The following ZNF880 variants were observed in gnomAD, a reference collection of about 807,000 sequenced individuals.
ZNF880 encodes the protein zinc finger protein LOC400713.
In ZNF880, 12 loss-of-function variants were observed where a neutral mutation model predicts 11.8. That is an observed-to-expected ratio of 1.02 (90% CI 0.65 to 1.65). ZNF880 has a LOEUF of 1.65. ZNF880 is among the 40% of genes most tolerant of loss of function. The pLI is 0.00. For missense variants in ZNF880, 601 were observed against 673.9 expected (o/e 0.89, Z 1.20); for synonymous variants, 210 against 232.4 (o/e 0.90, Z 0.88).
intron 3 of ZNF880, among the ~76,000 whole-genome samples, chr19:52,376,499 C>A (rs1429519107): frequency 1.0e-4 from 1 of 10,042 alleles, no homozygotes; most frequent in African/African-American, 4.4e-4. Flanking sequence ...TAGCACCGCC[C>A]CCCCCCCCCC....
At chr19:52,368,973 CAAAAAAAAAAAAAAAA>C (rs3029482), upstream of ZNF880, among the ~76,000 whole-genome samples, 4 of 71,854 alleles carry the variant, frequency 5.6e-5, no homozygotes, top group Non-Finnish European at 9.9e-5. Flanking sequence ...GAGACCATCT[CAAAAAAAAAAAAAAAA>C]AAAAAAAAAA....
chr19:52,368,295 C>G (rs1482530957), upstream of ZNF880, among the ~76,000 whole-genome samples: 2 of 148,662 alleles, frequency 1.3e-5, no homozygotes, highest in Non-Finnish European at 2.9e-5. Context: ...TAATGTTCAC[C>G]CATCTTCTTT....
chr19:52,380,432 C>T (rs936120030), intron 3 of ZNF880, among the ~76,000 whole-genome samples: 1 of 151,824 alleles, frequency 6.6e-6, no homozygotes, highest in Non-Finnish European at 1.5e-5. Flanking sequence ...TTGTATATCA[C>T]CTCTGGAAAA....
intron 1 of ZNF880, 54 bp from the exon 2 acceptor site, chr19:52,373,057 C>T (rs1293081313): frequency 1.9e-6 from 3 of 1,587,718 alleles, no homozygotes; most frequent in Admixed American, 1.7e-5. Context: ...GTCCTTACAA[C>T]TGTCTCCTCA....
At position 52,384,041 on chromosome 19, in the gene ZNF880, A is replaced by C. The variant is rs56370398; in HGVS notation, c.461A>C (p.Lys154Thr). The change falls in exon 4 of 4, where the codon AAA becomes ACA. Residue 154 changes from lysine (K) to threonine (T), a missense_variant. Physicochemically the swap from Lys to Thr is moderately conservative, Grantham distance 78 (BLOSUM62 -1). Coordinates refer to ENST00000422689, the MANE Select transcript of ZNF880 (RefSeq NM_001145434.2). The part of the protein sequence containing the change: ...SPLQKIYSSV[K>T]SHILNKYRND... ...CTTCAAAAAATTTATTCTAGTGTCA[A>C]ATCCCACATTTTAAATAAATACAGA... is the stretch of plus-strand genomic sequence containing the variant. 6.4e-7 allele frequency: 1 copy of C among 1,558,818 alleles called. No homozygotes were observed. Among genetic ancestry groups the C allele is most frequent in the African/African-American group, 1.4e-5 (1 of 73,282 alleles).
downstream of ZNF880, chr19:52,388,906 C>T (rs936550262): frequency 2.0e-5 from 3 of 152,170 alleles, no homozygotes; most frequent in East Asian, 5.8e-4. Context: ...ACAATCATGG[C>T]AGAAGGTGAA....
chr19:52,379,272 A>C (rs571596008), intron 3 of ZNF880: 4 of 318,168 alleles, frequency 1.3e-5, no homozygotes, highest in East Asian at 1.9e-4. Flanking sequence ...ACTTATATAC[A>C]CTCCAGGAGT....
intron 3 of ZNF880, among the ~76,000 whole-genome samples, chr19:52,380,251 A>G (rs906102639): frequency 6.0e-5 from 9 of 150,392 alleles, no homozygotes; most frequent in Non-Finnish European, 1.3e-4. Context: ...TAAGTCTCCC[A>G]TTTCTGCACA....
downstream of ZNF880, among the ~76,000 whole-genome samples, chr19:52,387,400 A>C (rs987889387): frequency 1.7e-4 from 25 of 143,874 alleles, 1 homozygote; most frequent in Admixed American, 1.7e-3. Context: ...AGGAAGACTC[A>C]TGGCATGCAC....
At chr19:52,379,360 CG>C (rs1568662780) in intron 3 of ZNF880, 1 of 416,746 alleles carries the variant, frequency 2.4e-6, no homozygotes, top group Non-Finnish European at 4.6e-6. Context: ...TTGTCAGTTA[CG>C]TTTATTAGAA....
At chr19:52,388,282 CTTTTT>C (rs68179783), downstream of ZNF880, among the ~76,000 whole-genome samples, 32 of 63,406 alleles carry the variant, frequency 5.0e-4, 1 homozygote, top group Admixed American at 1.0e-3. Flanking sequence ...GCAATTTGAA[CTTTTT>C]TTTTTTTTTT....
the ZNF880 span, among the ~76,000 whole-genome samples, chr19:52,394,114 C>G: frequency 6.6e-6 from 1 of 152,052 alleles, no homozygotes; most frequent in African/African-American, 2.4e-5. Context: ...GCTGGGATTA[C>G]AGGTGTAAGC....
chr19:52,367,636 G>A (rs899558492), upstream of ZNF880: 1 of 152,110 alleles, frequency 6.6e-6, no homozygotes, highest in Non-Finnish European at 1.5e-5. Context: ...ATGATGTTGA[G>A]TAATTACACT....
At chr19:52,368,851 G>A (rs941965870), upstream of ZNF880, among the ~76,000 whole-genome samples, 6 of 151,632 alleles carry the variant, frequency 4.0e-5, no homozygotes, top group African/African-American at 9.7e-5. Flanking sequence ...GCATTGTGGC[G>A]TGTGCCTGTA....
upstream of ZNF880, chr19:52,367,485 TACCTC>T (rs1165377449): frequency 6.6e-6 from 1 of 152,246 alleles, no homozygotes; most frequent in Non-Finnish European, 1.5e-5. Context: ...TGTTTAATCT[TACCTC>T]AGGAGGATAC....
At chr19:52,369,736 G>T (rs1280763449), upstream of ZNF880, among the ~76,000 whole-genome samples, 3 of 152,098 alleles carry the variant, frequency 2.0e-5, no homozygotes, top group African/African-American at 7.2e-5. Flanking sequence ...AATTTTCCTG[G>T]ATCTAATCAT....
chr19:52,384,133 G>A lies in ZNF880; in HGVS notation c.553G>A (p.Glu185Lys). 1 of 1,603,836 alleles carries A rather than the reference G, an allele frequency of 6.2e-7. No homozygotes were observed. Among genetic ancestry groups the A allele is most frequent in the Non-Finnish European group, 8.5e-7 (1 of 1,174,624 alleles). The change falls in exon 4 of 4, where the codon GAA (glutamate) becomes AAA (lysine). Residue 185 changes from glutamate to lysine, a missense_variant. This residue lies in a region of ZNF880 where 420 missense variants were observed against 442.6 expected (regional missense o/e 0.95). Coordinates refer to ENST00000422689, the MANE Select transcript of ZNF880 (RefSeq NM_001145434.2). ...QKAQIREKPC[E>K]CNEHGKAFRV... ...AGCACAAATAAGGGAAAAACCGTGTGAATGTAATGAGCATGGCAAAGCCTT... is the reference window on the plus strand; with the variant it reads ...AGCACAAATAAGGGAAAAACCGTGTAAATGTAATGAGCATGGCAAAGCCTT...
intron 1 of ZNF880, 72 bp from the exon 2 acceptor site, chr19:52,373,039 T>G: frequency 6.7e-7 from 1 of 1,501,526 alleles, no homozygotes; most frequent in South Asian, 1.1e-5. Flanking sequence ...TCCACTTCAA[T>G]CAAGTCAGTC....
In ZNF880 at chr19:52,384,681, T is replaced by C. The variant is rs2122415533; in HGVS notation, c.1101T>C (p.Leu367=). 2 of 1,611,648 alleles carry C rather than the reference T, an allele frequency of 1.2e-6. No homozygotes were observed. Among genetic ancestry groups the C allele is most frequent in the East Asian group, 4.5e-5 (2 of 44,810 alleles). The stretch of plus-strand genomic sequence containing the variant: ...AGGTCTTCAATCGAAATGCACACCT[T>C]ACCAGACATCAAAGAATCCATACTG... ...CGKVFNRNAH[L]TRHQRIHTGE... The change falls in exon 4 of 4, where the codon CTT becomes CTC. Residue 367 remains leucine (L), a synonymous_variant. Coordinates refer to ENST00000422689, the MANE Select transcript of ZNF880 (RefSeq NM_001145434.2).
Sources: allele counts gnomAD v4.1 joint callset (sites outside exome capture counted in the v4.1 genomes callset), GRCh38; gene constraint gnomAD v4.1.1; regional missense constraint gnomAD v4.1.1; transcripts MANE v1.5; gene names NCBI Gene and HGNC (gene_info 2026-07-23, HGNC 2026-07-21).